Variants in CRYBA1 observed in about 807,000 individuals in gnomAD.
The protein encoded by CRYBA1 is beta-crystallin A3.
In CRYBA1, 25 loss-of-function variants were observed where a neutral mutation model predicts 36.2. That is an observed-to-expected ratio of 0.69 (90% CI 0.50 to 0.97). The LOEUF is 0.97. Among genes scored for constraint, CRYBA1 ranks in the 50% least tolerant of loss-of-function variants. The probability of loss-of-function intolerance (pLI) is 0.00; values close to 1 mark genes in which losing one functional copy is unlikely to be tolerated. For missense variants in CRYBA1, 224 were observed against 276.3 expected (o/e 0.81, Z 1.34); for synonymous variants, 111 against 90.0 (o/e 1.23, Z -1.32).
At position 29,250,186 on chromosome 17, in the gene CRYBA1, C is replaced by A. The variant is rs896498350; in HGVS notation, c.101C>A (p.Thr34Asn). 7.1e-6 allele frequency: 11 copies of A among 1,553,686 alleles called. No homozygotes were observed. The highest frequency in any genetic ancestry group is 8.9e-6 in the Non-Finnish European group (10 of 1,124,874). ...CGCCATTCAATCTCATTTCAGATAA[C>A]CATCTATGATCAGGAGAACTTTCAG... The part of the protein sequence containing the change: ...TPGSLGPWKI[T>N]IYDQENFQGK... Residue 34 changes from threonine to asparagine, a missense_variant, in exon 3 of 6, where the codon ACC becomes AAC. Physicochemically the swap from Thr to Asn is moderately conservative, Grantham distance 65 (BLOSUM62 0). Transcript: ENST00000225387.
intron 1 of CRYBA1, among the ~76,000 whole-genome samples, chr17:29,248,126 A>G (rs1598424264): frequency 6.6e-6 from 1 of 152,030 alleles, no homozygotes; most frequent in African/African-American, 2.4e-5. Flanking sequence ...CAAAAAAAAA[A>G]AAAGAAAAAG....
Position 29,246,906 on chromosome 17 carries a change from C to A in CRYBA1, c.31+12C>A. On this transcript the variant is annotated intron_variant, in intron 1 of 5. Transcript: ENST00000225387. ...GCAGCAGGAGCTGGGTGAGTAAGGC[C>A]CTCAGGGTGCCCTTGCCCTTCCTCT... 6.2e-7 allele frequency: 1 copy of A among 1,608,430 alleles called. No individual in the cohort carries two copies. Among genetic ancestry groups the A allele is most frequent in the Non-Finnish European group, 8.5e-7 (1 of 1,177,912 alleles).
chr17:29,247,045 TTG>T, intron 1 of CRYBA1, 151 bp downstream of exon 1: 1 of 862,054 alleles, frequency 1.2e-6, no homozygotes. Context: ...CAGCCTTCTC[TTG>T]TCACCCCAAG....
chr17:29,252,826 A>G (rs539290234), intron 4 of CRYBA1, among the ~76,000 whole-genome samples: 58 of 152,322 alleles, frequency 3.8e-4, no homozygotes, highest in Non-Finnish European at 6.3e-4. Context: ...AGTCTATGTG[A>G]GAGTTTCTCG....
intron 4 of CRYBA1, 41 bp from the exon 5 acceptor site, chr17:29,253,599 G>C (rs543832440): frequency 1.3e-6 from 2 of 1,520,588 alleles, no homozygotes; most frequent in Non-Finnish European, 1.8e-6. Context: ...GATAGCCATA[G>C]CACTAGTACT....
intron 4 of CRYBA1, among the ~76,000 whole-genome samples, chr17:29,252,823 G>A (rs779766262): frequency 2.6e-5 from 4 of 152,202 alleles, no homozygotes; most frequent in Non-Finnish European, 5.9e-5. Context: ...TTCAGTCTAT[G>A]TGAGAGTTTC....
intron 2 of CRYBA1, among the ~76,000 whole-genome samples, chr17:29,249,791 G>T (rs755358314): frequency 3.3e-5 from 5 of 152,214 alleles, no homozygotes; most frequent in Non-Finnish European, 7.3e-5. Flanking sequence ...TTTCTATAGG[G>T]GGTATGGCTG....
intron 2 of CRYBA1, 52 bp from the exon 3 acceptor site, chr17:29,250,130 C>G: frequency 9.8e-7 from 1 of 1,019,584 alleles, no homozygotes; most frequent in Non-Finnish European, 1.6e-6. Context: ...TGACCTGGAC[C>G]TCTGTTTTTC....
At chr17:29,249,402 T>C (rs2068921939) in intron 2 of CRYBA1, among the ~76,000 whole-genome samples, 196 bp downstream of exon 2, 1 of 152,236 alleles carries the variant, frequency 6.6e-6, no homozygotes, top group African/African-American at 2.4e-5. Context: ...AGGATGACTG[T>C]GGATGCCATT....
intron 4 of CRYBA1, among the ~76,000 whole-genome samples, chr17:29,253,134 A>G (rs995655290): frequency 6.6e-6 from 1 of 152,082 alleles, no homozygotes; most frequent in Admixed American, 6.6e-5. Flanking sequence ...TTTCCACTCA[A>G]TTGCTCCCCT....
At chr17:29,247,887 C>T (rs2068910185) in intron 1 of CRYBA1, among the ~76,000 whole-genome samples, 2 of 152,246 alleles carry the variant, frequency 1.3e-5, no homozygotes, top group South Asian at 2.1e-4. Flanking sequence ...GAGGCCAAGG[C>T]GGGCAGATCA....
At position 29,253,674 on chromosome 17, in the gene CRYBA1, A is replaced by C; in HGVS notation, c.392A>C (p.Lys131Thr). Residue 131 changes from lysine to threonine, a missense_variant, in exon 5 of 6, where the codon AAG becomes ACG. By Grantham distance (78) the Lys-to-Thr change is moderately conservative (BLOSUM62 -1). Coordinates refer to ENST00000225387, the MANE Select transcript of CRYBA1 (RefSeq NM_005208.5). ...GAGTCTAAGATGACCATCTTTGAGAAGGAAAACTTTATTGGACGCCAGTGG... is the reference window on the plus strand; with the variant it reads ...GAGTCTAAGATGACCATCTTTGAGACGGAAAACTTTATTGGACGCCAGTGG... ...HKESKMTIFE[K>T]ENFIGRQWEI... The C allele has an allele frequency of 6.2e-7, 1 of 1,614,054 alleles. No homozygotes were observed. The highest frequency in any genetic ancestry group is 8.5e-7 in the Non-Finnish European group (1 of 1,179,880).
chr17:29,254,193 A>G lies in CRYBA1; in HGVS notation c.501-9A>G. The G allele has an allele frequency of 3.1e-6, 5 of 1,614,046 alleles. No homozygotes were observed. The highest frequency in any genetic ancestry group is 4.2e-6 in the Non-Finnish European group (5 of 1,179,994). ...GTTTTAATAATGAAATGTACTTTGA[A>G]TTTCCTAGCTGGGTTTGCTACCAAT... On this transcript the variant is annotated splice_polypyrimidine_tract_variant and intron_variant, in intron 5 of 5. Coordinates refer to ENST00000225387, the MANE Select transcript of CRYBA1 (RefSeq NM_005208.5).
chr17:29,249,048 T>G, intron 1 of CRYBA1, 94 bp from the exon 2 acceptor site: 1 of 845,508 alleles, frequency 1.2e-6, no homozygotes, highest in East Asian at 2.4e-5. Flanking sequence ...AAGTCTGTCT[T>G]GCAGACTTCA....
chr17:29,252,131 C>A lies in CRYBA1; in HGVS notation c.283C>A (p.Arg95Ser), dbSNP rs375137545. Residue 95 changes from arginine to serine, a missense_variant, in exon 4 of 6, where the codon CGC becomes AGC. Physicochemically the swap from Arg to Ser is moderately radical, Grantham distance 110. Transcript: ENST00000225387. ...TATCCTGGAGAGAGGAGAATACCCT[C>A]GCTGGGATGCCTGGAGTGGGAGTAA... ...QFILERGEYP[R>S]WDAWSGSNAY... is the part of the protein sequence containing the mutation. 4.3e-6 allele frequency: 7 copies of A among 1,614,040 alleles called. No individual in the cohort carries two copies. Among genetic ancestry groups the A allele is most frequent in the African/African-American group, 4.0e-5 (3 of 74,924 alleles).
intron 2 of CRYBA1, 118 bp from the exon 3 acceptor site, chr17:29,250,064 C>T (rs531602093): frequency 1.3e-5 from 10 of 768,274 alleles, no homozygotes; most frequent in Non-Finnish European, 1.9e-5. Context: ...CCTCATCAGG[C>T]ATCCCAGGCT....
In CRYBA1 at chr17:29,252,051, A is replaced by G. The variant is rs1201120360; in HGVS notation, c.216-13A>G. On this transcript the variant is annotated splice_polypyrimidine_tract_variant and intron_variant, in intron 3 of 5. Transcript: ENST00000225387. ...TTTGAACACCATGAACAAACACTAC[A>G]TGTCTTTGGCAGCTGGATTGGTTAT... is the stretch of plus-strand genomic sequence containing the variant. 7 of 1,613,912 alleles carry G rather than the reference A, an allele frequency of 4.3e-6. No homozygotes were observed. Among genetic ancestry groups the G allele is most frequent in the Non-Finnish European group, 5.9e-6 (7 of 1,179,992 alleles).
At chr17:29,248,974 G>GCAACAA (rs149652143) in intron 1 of CRYBA1, among the ~76,000 whole-genome samples, 168 bp from the exon 2 acceptor site, 1 of 151,930 alleles carries the variant, frequency 6.6e-6, no homozygotes, top group Non-Finnish European at 1.5e-5. Context: ...TCTCAAAATA[G>GCAACAA]CAACAACAAC....
At chr17:29,251,118 C>T (rs1259087550) in intron 3 of CRYBA1, among the ~76,000 whole-genome samples, 1 of 152,178 alleles carries the variant, frequency 6.6e-6, no homozygotes, top group Non-Finnish European at 1.5e-5. Flanking sequence ...GGAGAAAGAA[C>T]TCGCAAGTCA....
Sources: allele counts gnomAD v4.1 joint callset (sites outside exome capture counted in the v4.1 genomes callset), GRCh38; gene constraint gnomAD v4.1.1; transcripts MANE v1.5; gene names NCBI Gene and HGNC (gene_info 2026-07-23, HGNC 2026-07-21).